Variants in CLMP observed in about 807,000 individuals in gnomAD.
The protein encoded by CLMP is CXADR like cell adhesion molecule.
CLMP carries 27 observed loss-of-function variants against 45.2 expected under a neutral mutation model. The ratio of observed to expected loss-of-function variants is 0.60; its 90% CI spans 0.44 to 0.82. CLMP has a LOEUF of 0.82. Ranked by LOEUF, CLMP falls within the 40% of genes least tolerant of loss-of-function variation. The pLI is 0.00. For missense variants in CLMP, 403 were observed against 448.4 expected (o/e 0.90, Z 0.91); for synonymous variants, 167 against 171.4 (o/e 0.97, Z 0.20).
chr11:123,139,393 A>C (rs1481430439), intron 1 of CLMP, among the ~76,000 whole-genome samples: 2 of 152,182 alleles, frequency 1.3e-5, no homozygotes, highest in East Asian at 3.9e-4. Flanking sequence ...TGCGTTCTGC[A>C]GCTGGTTCTG....
At chr11:123,166,125 C>T (rs1055483238) in intron 1 of CLMP, among the ~76,000 whole-genome samples, 1 of 152,162 alleles carries the variant, frequency 6.6e-6, no homozygotes, top group African/African-American at 2.4e-5. Flanking sequence ...CCATTCATTC[C>T]ACCTTCCAAC....
At chr11:123,137,346 G>A (rs1861091528) in intron 1 of CLMP, among the ~76,000 whole-genome samples, 1 of 148,726 alleles carries the variant, frequency 6.7e-6, no homozygotes, top group African/African-American at 2.5e-5. Flanking sequence ...GTAGAGACGG[G>A]GTAGACCTTT....
rs1352740476 is a variant in CLMP, at chr11:123,069,962, A to G, written c.*3512T>C. ...GTGATGCTGAAACACAGTCCCAATT[A>G]CAAGGCAACTTAGAAGTTAAAACTG... On this transcript the variant is annotated 3_prime_UTR_variant, in exon 7 of 7. Coordinates refer to ENST00000448775, the MANE Select transcript of CLMP (RefSeq NM_024769.5). 1 of 152,244 alleles carries G rather than the reference A, an allele frequency of 6.6e-6. No homozygotes were observed. Among genetic ancestry groups the G allele is most frequent in the Non-Finnish European group, 1.5e-5 (1 of 68,032 alleles). 9.4% of individuals were successfully genotyped at this position (152,244 alleles called of 1,614,324 possible). A position where few individuals can be genotyped will look rare whatever the true frequency, so the allele number is the denominator to read the frequency against.
intron 1 of CLMP, among the ~76,000 whole-genome samples, chr11:123,098,776 G>A (rs889542654): frequency 4.7e-5 from 7 of 148,354 alleles, no homozygotes; most frequent in Admixed American, 6.9e-5. Context: ...GTGCGATCTC[G>A]GCTCACTGCA....
intron 1 of CLMP, among the ~76,000 whole-genome samples, chr11:123,176,912 T>C (rs114265235): frequency 8.9e-4 from 136 of 152,276 alleles, no homozygotes; most frequent in African/African-American, 2.7e-3. Context: ...CACTTGTCCA[T>C]TCAACAAGTA....
At chr11:123,141,044 C>G (rs906599265) in intron 1 of CLMP, among the ~76,000 whole-genome samples, 1 of 152,144 alleles carries the variant, frequency 6.6e-6, no homozygotes, top group African/African-American at 2.4e-5. Context: ...CTTTGCCTTC[C>G]ACCATGATTG....
chr11:123,177,150 A>C (rs987741908), intron 1 of CLMP, among the ~76,000 whole-genome samples: 1 of 152,194 alleles, frequency 6.6e-6, no homozygotes, highest in Non-Finnish European at 1.5e-5. Flanking sequence ...CTTAGGGTAA[A>C]GATGGTACTT....
chr11:123,106,913 G>A (rs369540118), intron 1 of CLMP, among the ~76,000 whole-genome samples: 11 of 151,916 alleles, frequency 7.2e-5, no homozygotes, highest in Admixed American at 5.9e-4. Context: ...CCAGCTACTC[G>A]GGAGGCTGAG....
intron 5 of CLMP, among the ~76,000 whole-genome samples, chr11:123,076,239 T>G (rs990870361): frequency 1.3e-5 from 2 of 152,210 alleles, no homozygotes; most frequent in Non-Finnish European, 1.5e-5. Flanking sequence ...CTGTGGAATT[T>G]GACATTGGAT....
chr11:123,150,440 A>AAAGAAAGG (rs1294074406), intron 1 of CLMP, among the ~76,000 whole-genome samples: 26 of 72,000 alleles, frequency 3.6e-4, no homozygotes, highest in Middle Eastern at 5.7e-3. Flanking sequence ...AGAAAGAAAG[A>AAAGAAAGG]AAGAAAGAAA....
chr11:123,093,958 C>T (rs961385656), intron 2 of CLMP, among the ~76,000 whole-genome samples: 2 of 152,126 alleles, frequency 1.3e-5, no homozygotes, highest in African/African-American at 4.8e-5. Flanking sequence ...GCAGATCTCT[C>T]TTGATGTTTT....
At chr11:123,089,438 C>G (rs556551524) in intron 2 of CLMP, among the ~76,000 whole-genome samples, 5 of 151,696 alleles carry the variant, frequency 3.3e-5, no homozygotes, top group African/African-American at 1.2e-4. Context: ...AGTATATGTG[C>G]AGTATGCTCT....
intron 2 of CLMP, among the ~76,000 whole-genome samples, chr11:123,089,365 A>C (rs868584272): frequency 2.0e-5 from 3 of 152,066 alleles, no homozygotes; most frequent in Middle Eastern, 3.2e-3. Context: ...AGTCAAAAAA[A>C]AAAGAAACAC....
intron 2 of CLMP, among the ~76,000 whole-genome samples, chr11:123,092,786 G>C (rs777191907): frequency 4.0e-5 from 6 of 150,450 alleles, no homozygotes; most frequent in Non-Finnish European, 8.9e-5. Flanking sequence ...TTTTAGTAGA[G>C]ATGGGGTTTC....
chr11:123,129,454 A>AT, intron 1 of CLMP, among the ~76,000 whole-genome samples: 1 of 141,138 alleles, frequency 7.1e-6, no homozygotes, highest in Admixed American at 7.5e-5. Flanking sequence ...TATATTATAT[A>AT]AAATATATCA....
At chr11:123,137,141 C>CTTTTTTTTTT (rs1861085099) in intron 1 of CLMP, among the ~76,000 whole-genome samples, 1 of 108,954 alleles carries the variant, frequency 9.2e-6, no homozygotes, top group South Asian at 2.8e-4. Flanking sequence ...CTCTTTTTTT[C>CTTTTTTTTTT]TTTTTCTTTT....
Position 123,083,966 on chromosome 11 carries a change from T to C in CLMP, c.389-119A>G, listed in dbSNP as rs531480068. The C allele has an allele frequency of 1.1e-5, 12 of 1,136,094 alleles. No homozygotes were observed. In the African/African-American group the frequency reaches 1.9e-4, roughly 18 times the overall value. 70.4% of individuals were successfully genotyped at this position (1,136,094 alleles called of 1,614,324 possible). On this transcript the variant is annotated intron_variant, in intron 3 of 6. Transcript: ENST00000448775. ...CCAGCCATCTGTTTTGGTCAACTTTTGAGTGGGGATTCAACTAGCCTTGCT... is the reference window on the plus strand; with the variant it reads ...CCAGCCATCTGTTTTGGTCAACTTTCGAGTGGGGATTCAACTAGCCTTGCT...
chr11:123,074,284 C>T (rs1438862689), intron 6 of CLMP, among the ~76,000 whole-genome samples: 2 of 151,384 alleles, frequency 1.3e-5, no homozygotes, highest in African/African-American at 2.4e-5. Context: ...AAGTCATCCT[C>T]CTGTCTCAGC....
intron 1 of CLMP, among the ~76,000 whole-genome samples, chr11:123,107,029 A>AT: frequency 1.3e-5 from 2 of 150,814 alleles, no homozygotes; most frequent in African/African-American, 4.9e-5. Context: ...AAAAAAAAAA[A>AT]AAAATAATAA....
Sources: allele counts gnomAD v4.1 joint callset (sites outside exome capture counted in the v4.1 genomes callset), GRCh38; gene constraint gnomAD v4.1.1; transcripts MANE v1.5; gene names NCBI Gene and HGNC (gene_info 2026-07-23, HGNC 2026-07-21).